The following RPS6KA2 variants were observed in gnomAD, a reference collection of about 807,000 sequenced individuals.
RPS6KA2 encodes the protein ribosomal protein S6 kinase alpha-2.
In RPS6KA2, 42 loss-of-function variants were observed where a neutral mutation model predicts 91.8. The ratio of observed to expected loss-of-function variants is 0.46; its 90% CI spans 0.36 to 0.59. The LOEUF (loss-of-function observed/expected upper bound fraction) is 0.59, where lower values mean the gene tolerates loss of function less well. Among genes scored for constraint, RPS6KA2 ranks in the 20% least tolerant of loss-of-function variants. The probability of loss-of-function intolerance (pLI) is 0.00; values close to 1 mark genes in which losing one functional copy is unlikely to be tolerated. For synonymous variants in RPS6KA2, 414 were observed against 393.6 expected, an observed-to-expected ratio of 1.05 and a Z score of -0.61; for missense variants, 798 against 978.5, an observed-to-expected ratio of 0.82 and a Z score of 2.46.
intron 2 of RPS6KA2, among the ~76,000 whole-genome samples, chr6:166,832,766 C>A (rs540582977): frequency 2.0e-5 from 3 of 152,162 alleles, no homozygotes; most frequent in Admixed American, 6.5e-5. Flanking sequence ...TCAGAATTAG[C>A]GAAGATCATG....
chr6:166,825,192 G>A lies in RPS6KA2; in HGVS notation c.123+33008C>T, dbSNP rs1326597995. On this transcript the variant is annotated intron_variant, in intron 2 of 21. Transcript: ENST00000503859. This position sits in a 1 kb window ranked among gnomAD's most constrained non-coding sequence, Gnocchi z 4.1. ...GGCTCCCCACAAATGGGGGCTCTGAGTTGAGGGGTGCTGGATGCTGAGGGG... is the reference window on the plus strand; with the variant it reads ...GGCTCCCCACAAATGGGGGCTCTGAATTGAGGGGTGCTGGATGCTGAGGGG... 1.3e-5 allele frequency among the ~76,000 whole-genome samples: 2 copies of A among 152,266 alleles called. No individual in the cohort carries two copies. Among genetic ancestry groups the A allele is most frequent in the African/African-American group, 4.8e-5 (2 of 41,466 alleles).
chr6:166,455,591 G>A (rs1443880576), intron 12 of RPS6KA2, among the ~76,000 whole-genome samples: 4 of 152,224 alleles, frequency 2.6e-5, no homozygotes, highest in Non-Finnish European at 2.9e-5. Context: ...CCAGACTAGC[G>A]AAGCGTCGTT....
intron 17 of RPS6KA2, among the ~76,000 whole-genome samples, chr6:166,422,347 C>T (rs982581990): frequency 6.6e-6 from 1 of 152,134 alleles, no homozygotes; most frequent in African/African-American, 2.4e-5. Context: ...GACCAGTGGC[C>T]CTGGGTGACC....
Position 166,464,583 on chromosome 6 carries a change from G to A in RPS6KA2, c.973-5032C>T, listed in dbSNP as rs950907056. ...CAGTTCCCTGGGTCCCCCTGCAAGG[G>A]ACGCCAGGCTGGGCTGGGAGCCGTC... On this transcript the variant is annotated intron_variant, in intron 11 of 20. Coordinates refer to ENST00000265678, the MANE Select transcript of RPS6KA2 (RefSeq NM_021135.6). Among the ~76,000 whole-genome samples, 4 of 152,316 alleles carry A rather than the reference G, an allele frequency of 2.6e-5. No homozygotes were observed. The South Asian group carries it at 6.2e-4, about 24-fold the overall frequency.
intron 2 of RPS6KA2, among the ~76,000 whole-genome samples, chr6:166,763,997 C>T (rs1286596031): frequency 2.6e-5 from 4 of 152,232 alleles, no homozygotes; most frequent in African/African-American, 7.2e-5. Context: ...AAAGCAGCTT[C>T]TGTTAGGGTT....
At chr6:166,497,791 T>C (rs74919629) in intron 8 of RPS6KA2, among the ~76,000 whole-genome samples, 4,491 of 152,294 alleles carry the variant, frequency 0.029, 68 homozygotes, top group South Asian at 0.058. Flanking sequence ...GCAACCTTCA[T>C]CCCGTCTCCT....
At chr6:166,575,777 G>T (rs1361305634) in intron 1 of RPS6KA2, among the ~76,000 whole-genome samples, 2 of 152,102 alleles carry the variant, frequency 1.3e-5, no homozygotes, top group African/African-American at 4.8e-5. Context: ...TCCATGGATT[G>T]GTTTGGAAGA....
At chr6:166,618,565 TAGA>T (rs1173496452) in intron 1 of RPS6KA2, among the ~76,000 whole-genome samples, 2 of 152,140 alleles carry the variant, frequency 1.3e-5, no homozygotes, top group Non-Finnish European at 2.9e-5. Flanking sequence ...TGACCATCAC[TAGA>T]AGATCAGGCT....
intron 10 of RPS6KA2, 79 bp downstream of exon 10, chr6:166,488,748 GGAGGGT>G (rs770568473): frequency 1.9e-6 from 2 of 1,052,952 alleles, no homozygotes; most frequent in Non-Finnish European, 2.9e-6. Context: ...GGCCGGAGCA[GGAGGGT>G]GGCCCTCCAC....
chr6:166,689,281 G>C (rs929009465), intron 2 of RPS6KA2, among the ~76,000 whole-genome samples: 1 of 152,214 alleles, frequency 6.6e-6, no homozygotes, highest in African/African-American at 2.4e-5. Context: ...TTGACACCAA[G>C]ATGAACTCAA....
At chr6:166,552,335 G>A (rs3799629) in intron 1 of RPS6KA2, among the ~76,000 whole-genome samples, 16 of 152,248 alleles carry the variant, frequency 1.1e-4, no homozygotes, top group East Asian at 1.9e-4. Context: ...GGTTTAGAGC[G>A]GTGCTTGGCG....
At chr6:166,520,694 C>T (rs900753147) in intron 3 of RPS6KA2, among the ~76,000 whole-genome samples, 11 of 152,122 alleles carry the variant, frequency 7.2e-5, no homozygotes, top group African/African-American at 2.2e-4. Flanking sequence ...GCCTATCTTG[C>T]CATGAACAGA....
At chr6:166,480,477 T>TATATATATATATA (rs1347612534) in intron 10 of RPS6KA2, among the ~76,000 whole-genome samples, 35 of 43,870 alleles carry the variant, frequency 8.0e-4, no homozygotes, top group South Asian at 1.8e-3. Flanking sequence ...AAGATTGTGA[T>TATATATATATATA]TTTATATATA....
intron 2 of RPS6KA2, among the ~76,000 whole-genome samples, chr6:166,743,601 G>T (rs1450937659): frequency 2.0e-5 from 3 of 152,242 alleles, no homozygotes; most frequent in Non-Finnish European, 4.4e-5. Flanking sequence ...ACCCCGGGGA[G>T]CTACCGCCGT....
At chr6:166,431,614 CTTTT>C (rs1039874020) in intron 15 of RPS6KA2, among the ~76,000 whole-genome samples, 7 of 152,062 alleles carry the variant, frequency 4.6e-5, no homozygotes, top group Non-Finnish European at 8.8e-5. Context: ...TCTGATTATT[CTTTT>C]TATGTTTCGA....
At chr6:166,473,840 A>G (rs967637759) in intron 10 of RPS6KA2, among the ~76,000 whole-genome samples, 2 of 151,998 alleles carry the variant, frequency 1.3e-5, no homozygotes, top group South Asian at 4.1e-4. Context: ...TGTCCAGCCT[A>G]TAACCATCCA....
At chr6:166,690,637 C>T (rs1789178957) in intron 2 of RPS6KA2, among the ~76,000 whole-genome samples, 1 of 152,220 alleles carries the variant, frequency 6.6e-6, no homozygotes, top group Non-Finnish European at 1.5e-5. Flanking sequence ...GATGAGGACA[C>T]ATCCGCTCCC....
intron 1 of RPS6KA2, among the ~76,000 whole-genome samples, chr6:166,860,150 T>C (rs1333459811): frequency 6.6e-6 from 1 of 151,964 alleles, no homozygotes; most frequent in African/African-American, 2.4e-5. Flanking sequence ...CCTCAGAAAC[T>C]TGAAGTACCT....
At chr6:166,704,994 T>C (rs76218082) in intron 2 of RPS6KA2, among the ~76,000 whole-genome samples, 10 of 152,350 alleles carry the variant, frequency 6.6e-5, no homozygotes, top group African/African-American at 2.2e-4. Context: ...GGGTGTTCTA[T>C]CCCAGCACCA....
Sources: gnomAD v4.1 joint callset for allele counts (sites outside exome capture counted in the v4.1 genomes callset) on GRCh38, gnomAD v4.1.1 for gene constraint, Gnocchi (gnomAD v3.1) non-coding constraint, MANE v1.5 for transcripts, NCBI Gene and HGNC (gene_info 2026-07-23, HGNC 2026-07-21) for gene names.